Variants in CSMD1 observed in about 807,000 individuals in gnomAD.
CSMD1 encodes CUB and Sushi multiple domains 1.
CSMD1 carries 213 observed loss-of-function variants against 417.5 expected under a neutral mutation model. The observed-to-expected ratio is 0.51, with a 90% CI of 0.46 to 0.57. The LOEUF (loss-of-function observed/expected upper bound fraction) is 0.57, where lower values mean the gene tolerates loss of function less well. Ranked by LOEUF, CSMD1 falls within the 20% of genes least tolerant of loss-of-function variation. The pLI, the probability that CSMD1 is intolerant of heterozygous loss-of-function variation, is 0.00. For synonymous variants in CSMD1, 2,862 were observed against 1,736.8 expected, an observed-to-expected ratio of 1.65 and a Z score of -16.11; for missense variants, 6,923 against 4,529.7, an observed-to-expected ratio of 1.53 and a Z score of -15.17.
chr8:4,761,075 A>G (rs369169065), intron 1 of CSMD1, among the ~76,000 whole-genome samples: 5 of 152,248 alleles, frequency 3.3e-5, no homozygotes, highest in South Asian at 2.1e-4. Context: ...TAGCAGAAGT[A>G]TGTGTTTGTT....
Position 3,420,178 on chromosome 8 carries a change from G to C in CSMD1, c.1562-10573C>G, listed in dbSNP as rs147751321. On this transcript the variant is annotated intron_variant, in intron 12 of 69. Transcript: ENST00000635120. ...AAGTCCTCAAAATTATTTGATAAAAGTCCTTAAAAGATACAACTACTTTAT... is the reference window on the plus strand; with the variant it reads ...AAGTCCTCAAAATTATTTGATAAAACTCCTTAAAAGATACAACTACTTTAT... 9.0e-3 allele frequency among the ~76,000 whole-genome samples: 1,365 copies of C among 152,168 alleles called. 23 individuals carry two copies. The highest frequency in any genetic ancestry group is 0.03 in the African/African-American group (1,259 of 41,510).
rs184160845 is a variant in CSMD1 at position 4,007,696 on chromosome 8, A to G, written c.611-9586T>C. ...TCTTCCTCTTTTTTTTTTTCATGCA[A>G]TGAATGAAAATTGAATGACTCTGGC... On this transcript the variant is annotated intron_variant, in intron 4 of 69. Transcript: ENST00000635120. Among the ~76,000 whole-genome samples the G allele has an allele frequency of 2.9e-3, 436 of 151,884 alleles. 3 individuals are homozygous for G. The highest frequency in any genetic ancestry group is 0.01 in the Middle Eastern group (3 of 294).
At chr8:4,752,060 CA>C (rs1811367836) in intron 1 of CSMD1, among the ~76,000 whole-genome samples, 1 of 150,010 alleles carries the variant, frequency 6.7e-6, no homozygotes, top group South Asian at 2.2e-4. Context: ...TATATTAATA[CA>C]AAAACATATG....
chr8:4,960,626 T>G (rs1259409274), intron 1 of CSMD1, among the ~76,000 whole-genome samples: 1 of 152,144 alleles, frequency 6.6e-6, no homozygotes, highest in Non-Finnish European at 1.5e-5. Flanking sequence ...GGTGCATGCA[T>G]CCATACATCC....
chr8:3,510,977 A>G (rs2117394037), intron 10 of CSMD1, among the ~76,000 whole-genome samples: 1 of 151,914 alleles, frequency 6.6e-6, no homozygotes, highest in Admixed American at 6.5e-5. Context: ...CTTGGAATGA[A>G]CCCAAAGGCC....
At chr8:3,090,747 G>C (rs1442332645) in intron 48 of CSMD1, among the ~76,000 whole-genome samples, 3 of 152,194 alleles carry the variant, frequency 2.0e-5, no homozygotes, top group Admixed American at 1.3e-4. Flanking sequence ...GCATTGCTGA[G>C]TGAGATTTTG....
At chr8:3,109,254 A>G (rs1414417909) in intron 43 of CSMD1, among the ~76,000 whole-genome samples, 2 of 152,182 alleles carry the variant, frequency 1.3e-5, no homozygotes, top group Non-Finnish European at 2.9e-5. Context: ...ACAGGGCAAG[A>G]CTCTGTCTCA....
intron 3 of CSMD1, among the ~76,000 whole-genome samples, chr8:4,278,289 G>A (rs1403059954): frequency 6.6e-5 from 10 of 152,132 alleles, no homozygotes; most frequent in Non-Finnish European, 7.4e-5. Context: ...TAAAGTTCAA[G>A]GAGGTTAAAA....
At chr8:4,479,615 G>T (rs1800979375) in intron 2 of CSMD1, among the ~76,000 whole-genome samples, 1 of 152,048 alleles carries the variant, frequency 6.6e-6, no homozygotes, top group African/African-American at 2.4e-5. Flanking sequence ...TGACTTTCCA[G>T]CTGGGTGCAG....
intron 3 of CSMD1, among the ~76,000 whole-genome samples, chr8:4,148,535 T>C (rs576459724): frequency 3.3e-5 from 5 of 151,978 alleles, no homozygotes; most frequent in African/African-American, 4.8e-5. Flanking sequence ...AAAAAACGCA[T>C]TGGCTACTTG....
At chr8:4,698,289 T>A (rs956803887) in intron 1 of CSMD1, among the ~76,000 whole-genome samples, 31 of 152,168 alleles carry the variant, frequency 2.0e-4, no homozygotes, top group African/African-American at 7.5e-4. Context: ...GTATAAAGGC[T>A]CGTTTCAAAT....
intron 4 of CSMD1, among the ~76,000 whole-genome samples, chr8:4,021,817 C>G (rs547512147): frequency 1.3e-5 from 2 of 152,156 alleles, no homozygotes; most frequent in South Asian, 2.1e-4. Context: ...ATTAAAGAAA[C>G]TAAAGACCCG....
At chr8:3,260,956 A>G (rs1801016213) in intron 26 of CSMD1, among the ~76,000 whole-genome samples, 1 of 152,324 alleles carries the variant, frequency 6.6e-6, no homozygotes, top group Admixed American at 6.5e-5. Context: ...AAGAGTAAAG[A>G]AAAATAAAAT....
intron 41 of CSMD1, among the ~76,000 whole-genome samples, chr8:3,134,818 C>T (rs1349958593): frequency 1.3e-5 from 2 of 152,132 alleles, no homozygotes; most frequent in African/African-American, 2.4e-5. Flanking sequence ...CCTCTCTGAG[C>T]CTCATTTTTC....
chr8:4,271,849 G>C (rs1201985345), intron 3 of CSMD1, among the ~76,000 whole-genome samples: 1 of 152,104 alleles, frequency 6.6e-6, no homozygotes, highest in East Asian at 1.9e-4. Flanking sequence ...CTATTTGAAA[G>C]GCACAGTGCA....
chr8:3,812,602 G>A (rs1249619023), intron 5 of CSMD1, among the ~76,000 whole-genome samples: 1 of 152,056 alleles, frequency 6.6e-6, no homozygotes, highest in Non-Finnish European at 1.5e-5. Context: ...CGCTATAAAG[G>A]GCCAAAATGG....
chr8:4,500,450 C>T (rs558479949), intron 2 of CSMD1, among the ~76,000 whole-genome samples: 140 of 152,192 alleles, frequency 9.2e-4, no homozygotes, highest in African/African-American at 3.2e-3. Context: ...TGTAAACAAA[C>T]TATTGAACAA....
At chr8:4,788,371 C>T (rs1263219961) in intron 1 of CSMD1, 3 of 1,458,054 alleles carry the variant, frequency 2.1e-6, no homozygotes, top group African/African-American at 2.8e-5. Flanking sequence ...CCTCCCCTCA[C>T]ACCAGACTGG....
At chr8:4,215,972 G>C (rs1800644205) in intron 3 of CSMD1, among the ~76,000 whole-genome samples, 1 of 152,182 alleles carries the variant, frequency 6.6e-6, no homozygotes, top group Non-Finnish European at 1.5e-5. Context: ...TTTTTATCCA[G>C]ACTTAAACTC....
Sources: gnomAD v4.1 joint callset for allele counts (sites outside exome capture counted in the v4.1 genomes callset) on GRCh38, gnomAD v4.1.1 for gene constraint, MANE v1.5 for transcripts, NCBI Gene and HGNC (gene_info 2026-07-23, HGNC 2026-07-21) for gene names.